Variants in KNG1 observed in about 807,000 individuals in gnomAD.
The protein encoded by KNG1 is kininogen 1, also known as kininogen-1.
Under a neutral mutation model 47.8 loss-of-function variants are expected in KNG1, and 23 were observed. The ratio of observed to expected loss-of-function variants is 0.48; its 90% CI spans 0.35 to 0.68. The LOEUF is 0.68. KNG1 is among the 30% of genes least tolerant of loss of function. The probability of loss-of-function intolerance (pLI) is 0.01; values close to 1 mark genes in which losing one functional copy is unlikely to be tolerated. For synonymous variants in KNG1, 277 were observed against 277.0 expected, an observed-to-expected ratio of 1.00 and a Z score of 0.00; for missense variants, 762 against 790.2, an observed-to-expected ratio of 0.96 and a Z score of 0.43.
chr3:186,720,676 T>C (rs1048148933), intron 2 of KNG1: 2 of 178,258 alleles, frequency 1.1e-5, no homozygotes, highest in African/African-American at 2.4e-5. Context: ...CATCAGGTTG[T>C]TGGAGGATGA....
At chr3:186,730,430 G>C (rs1218447938) in intron 5 of KNG1, among the ~76,000 whole-genome samples, 2 of 151,684 alleles carry the variant, frequency 1.3e-5, no homozygotes, top group East Asian at 3.9e-4. Flanking sequence ...TTGGTGGGTG[G>C]ATCACTTGAG....
chr3:186,722,429 C>CT lies in KNG1; in HGVS notation c.307-3dup. The CT allele has an allele frequency of 6.2e-7, 1 of 1,607,818 alleles. No homozygotes were observed. Among genetic ancestry groups the CT allele is most frequent in the Non-Finnish European group, 8.5e-7 (1 of 1,174,516 alleles). Reference sequence around the variant, plus strand: ...TTAAGATAAATGATCTCTTTCTTTTCTTTTTAGGCCACTGGAGAATGCACG... The same window carrying CT: ...TTAAGATAAATGATCTCTTTCTTTTCTTTTTTAGGCCACTGGAGAATGCACG... On this transcript the variant is annotated splice_polypyrimidine_tract_variant and splice_region_variant and intron_variant, in intron 2 of 9. Transcript: ENST00000644859.
In KNG1 at chr3:186,720,539, G is replaced by C. The variant is rs5029982; in HGVS notation, c.306+324G>C. On this transcript the variant is annotated intron_variant, in intron 2 of 9. Transcript: ENST00000644859. ...AAAGAGCTGGCGAGGGGAGGGGGTG[G>C]GTGCTTCCATTGCACAACGTTAAGT... The C allele has an allele frequency of 8.1e-3, 2,826 of 348,620 alleles. 71 individuals carry two copies. Among genetic ancestry groups the C allele is most frequent in the African/African-American group, 0.055 (2,583 of 47,158 alleles). The allele number at this position is 348,620 out of a possible 1,614,324, so 21.6% of individuals were successfully genotyped here.
Position 186,741,862 on chromosome 3 carries a change from A to T in KNG1, c.1466A>T (p.His489Leu). ...LDDDLEHQGGHVLDHGHKHKH... is the reference protein window; with the variant it reads ...LDDDLEHQGGLVLDHGHKHKH... ...GATGATCTTGAACACCAAGGGGGCCATGTCCTTGACCATGGACATAAGCAT... is the reference window on the plus strand; with the variant it reads ...GATGATCTTGAACACCAAGGGGGCCTTGTCCTTGACCATGGACATAAGCAT... Residue 489 changes from histidine (H) to leucine (L), a missense_variant, in exon 10 of 10, where the codon CAT becomes CTT. Coordinates refer to ENST00000644859, the MANE Select transcript of KNG1 (RefSeq NM_001102416.3). 3 of 1,613,890 alleles carry T rather than the reference A, an allele frequency of 1.9e-6. No individual in the cohort carries two copies. The highest frequency in any genetic ancestry group is 2.5e-6 in the Non-Finnish European group (3 of 1,179,828).
intron 7 of KNG1, among the ~76,000 whole-genome samples, chr3:186,735,215 G>A (rs1720640418): frequency 1.3e-5 from 2 of 152,126 alleles, no homozygotes; most frequent in African/African-American, 4.8e-5. Flanking sequence ...GCCAGACATG[G>A]TAGCTCATGC....
chr3:186,737,704 T>C, intron 7 of KNG1, among the ~76,000 whole-genome samples: 1 of 151,876 alleles, frequency 6.6e-6, no homozygotes, highest in East Asian at 1.9e-4. Context: ...TTAGAGATGC[T>C]TGCAACCATG....
intron 7 of KNG1, 115 bp downstream of exon 7, chr3:186,732,789 T>G (rs189148914): frequency 3.4e-5 from 29 of 850,136 alleles, no homozygotes; most frequent in Non-Finnish European, 4.1e-5. Context: ...ATAATGTGAT[T>G]TGGTGCATTA....
chr3:186,733,952 G>A (rs4686439), intron 7 of KNG1, among the ~76,000 whole-genome samples: 35,639 of 152,008 alleles, frequency 0.23, 5,220 homozygotes, highest in Middle Eastern at 0.37. Flanking sequence ...TGGGCAACAA[G>A]AGCAAAACTC....
chr3:186,720,179 C>A lies in KNG1; in HGVS notation c.270C>A (p.Thr90=), dbSNP rs940517826. 6.2e-7 allele frequency: 1 copy of A among 1,613,448 alleles called. No homozygotes were observed. Among genetic ancestry groups the A allele is most frequent in the Middle Eastern group, 1.6e-4 (1 of 6,062 alleles). ...EGDCPVQSGK[T]WQDCEYKDAA... is the part of the protein sequence containing the mutation. The stretch of plus-strand genomic sequence containing the variant: ...ATTGTCCTGTTCAAAGTGGCAAAAC[C>A]TGGCAGGACTGTGAGTACAAGGATG... Residue 90 remains threonine (T), a synonymous_variant, in exon 2 of 10, where the codon ACC becomes ACA. Coordinates refer to ENST00000644859, the MANE Select transcript of KNG1 (RefSeq NM_001102416.3).
At chr3:186,725,928 A>G (rs77162711) in intron 4 of KNG1, among the ~76,000 whole-genome samples, 13 of 147,846 alleles carry the variant, frequency 8.8e-5, no homozygotes, top group African/African-American at 3.0e-4. Context: ...GAAAAAAAAA[A>G]GTATATATCC....
intron 9 of KNG1, among the ~76,000 whole-genome samples, chr3:186,741,240 C>T (rs575261100): frequency 2.0e-5 from 3 of 152,198 alleles, no homozygotes; most frequent in East Asian, 1.9e-4. Context: ...GTGATCTGCT[C>T]GCCTTGGTCT....
At chr3:186,727,861 C>A (rs538466974) in intron 5 of KNG1, among the ~76,000 whole-genome samples, 1 of 152,228 alleles carries the variant, frequency 6.6e-6, no homozygotes, top group South Asian at 2.1e-4. Flanking sequence ...CATGAGCCAC[C>A]GTGCCTGGCC....
chr3:186,718,024 C>A, intron 1 of KNG1: 1 of 310,852 alleles, frequency 3.2e-6, no homozygotes, highest in South Asian at 2.5e-5. Flanking sequence ...CACCCACCAC[C>A]CACCACCACT....
At chr3:186,726,063 T>G (rs1560063792) in intron 4 of KNG1, among the ~76,000 whole-genome samples, 1 of 151,954 alleles carries the variant, frequency 6.6e-6, no homozygotes, top group Non-Finnish European at 1.5e-5. Context: ...CCCAAGGAAC[T>G]GGGATTACAG....
At chr3:186,725,910 T>C (rs1720353404) in intron 4 of KNG1, among the ~76,000 whole-genome samples, 1 of 116,176 alleles carries the variant, frequency 8.6e-6, no homozygotes, top group Non-Finnish European at 1.9e-5. Flanking sequence ...ACAGTTCCCA[T>C]ATCATCAGAA....
intron 3 of KNG1, among the ~76,000 whole-genome samples, chr3:186,723,463 T>TCTTCC: frequency 1.3e-5 from 2 of 151,984 alleles, no homozygotes; most frequent in Middle Eastern, 3.4e-3. Context: ...CATTCTCTTC[T>TCTTCC]CTTCTCTATC....
At position 186,743,681 on chromosome 3, in the gene KNG1, A is replaced by G. The variant is rs1720871094; in HGVS notation, c.*1350A>G. On this transcript the variant is annotated 3_prime_UTR_variant, in exon 10 of 10. Transcript: ENST00000644859. ...AATGATTGAATGATAACATCATATT[A>G]ACTGCGTTTTACTATACTTACAGAG... The G allele has an allele frequency of 1.9e-6, 3 of 1,566,958 alleles. No homozygotes were observed. The East Asian group carries it at 6.7e-5, about 35-fold the overall frequency.
Position 186,742,404 on chromosome 3 carries a change from A to G in KNG1, c.*73A>G. The G allele has an allele frequency of 6.3e-7, 1 of 1,596,580 alleles. No homozygotes were observed. The highest frequency in any genetic ancestry group is 1.1e-5 in the South Asian group (1 of 89,654). ...ATCCCTCTCTCCATTGTCCAGATGA[A>G]AATATCCTGATATAATGCACCAAAA... On this transcript the variant is annotated 3_prime_UTR_variant, in exon 10 of 10. Coordinates refer to ENST00000644859, the MANE Select transcript of KNG1 (RefSeq NM_001102416.3).
At chr3:186,741,290 G>A (rs1424170220) in intron 9 of KNG1, among the ~76,000 whole-genome samples, 1 of 151,880 alleles carries the variant, frequency 6.6e-6, no homozygotes, top group Non-Finnish European at 1.5e-5. Flanking sequence ...CACCATGCCT[G>A]GCTATTTTAT....
Sources: allele counts gnomAD v4.1 joint callset (sites outside exome capture counted in the v4.1 genomes callset), GRCh38; gene constraint gnomAD v4.1.1; transcripts MANE v1.5; gene names NCBI Gene and HGNC (gene_info 2026-07-23, HGNC 2026-07-21).